The following ANGPT1 variants were observed in gnomAD, a reference collection of about 807,000 sequenced individuals.
The protein encoded by ANGPT1 is angiopoietin-1.
ANGPT1 carries 17 observed loss-of-function variants against 62.2 expected under a neutral mutation model. The observed-to-expected ratio is 0.27, with a 90% CI of 0.19 to 0.41. The LOEUF (loss-of-function observed/expected upper bound fraction) is 0.41. ANGPT1 is among the 10% of genes least tolerant of loss of function. ANGPT1 has a pLI of 1.00. For missense variants in ANGPT1, 478 were observed against 594.9 expected (o/e 0.80, Z 2.04); for synonymous variants, 199 against 198.9 (o/e 1.00, Z 0.00).
At chr8:107,339,185 C>T (rs1480697397) in intron 2 of ANGPT1, among the ~76,000 whole-genome samples, 1 of 152,124 alleles carries the variant, frequency 6.6e-6, no homozygotes, top group Non-Finnish European at 1.5e-5. Flanking sequence ...CCTACTTGCC[C>T]TACCTCAAGT....
At chr8:107,374,565 G>T (rs1220148254) in intron 1 of ANGPT1, among the ~76,000 whole-genome samples, 1 of 152,172 alleles carries the variant, frequency 6.6e-6, no homozygotes, top group African/African-American at 2.4e-5. Flanking sequence ...GTAGGACTGG[G>T]CGGTTTTCTA....
At chr8:107,358,038 AT>A in intron 1 of ANGPT1, among the ~76,000 whole-genome samples, 2 of 152,196 alleles carry the variant, frequency 1.3e-5, no homozygotes, top group South Asian at 2.1e-4. Context: ...TTTAAAATTA[AT>A]TTTCTTTCAT....
chr8:107,278,997 G>T (rs1421478082), intron 7 of ANGPT1, among the ~76,000 whole-genome samples: 1 of 152,168 alleles, frequency 6.6e-6, no homozygotes, highest in Non-Finnish European at 1.5e-5. Flanking sequence ...AACCATGCCA[G>T]TTTCCCAGGT....
chr8:107,312,496 T>C (rs900968299), intron 4 of ANGPT1, among the ~76,000 whole-genome samples: 1 of 152,236 alleles, frequency 6.6e-6, no homozygotes, highest in African/African-American at 2.4e-5. Context: ...CCAGATGTTT[T>C]TGAAAACTGA....
chr8:107,339,733 A>C (rs1244362170), intron 2 of ANGPT1, among the ~76,000 whole-genome samples: 1 of 152,190 alleles, frequency 6.6e-6, no homozygotes, highest in Non-Finnish European at 1.5e-5. Flanking sequence ...AGGACACTGC[A>C]GCGCTCATAG....
At chr8:107,383,775 C>T (rs1654730) in intron 1 of ANGPT1, among the ~76,000 whole-genome samples, 72,458 of 151,894 alleles carry the variant, frequency 0.48, 19,131 homozygotes, top group Non-Finnish European at 0.59. Flanking sequence ...AAAGGAGGGC[C>T]AGAATTCTCC....
intron 4 of ANGPT1, among the ~76,000 whole-genome samples, chr8:107,310,975 GTA>G (rs1814842491): frequency 4.1e-5 from 4 of 98,458 alleles, no homozygotes; most frequent in Admixed American, 3.7e-4. Flanking sequence ...GTATGAGTGT[GTA>G]TGTGAGTGTG....
intron 1 of ANGPT1, among the ~76,000 whole-genome samples, chr8:107,387,360 T>A (rs1816751320): frequency 2.6e-5 from 4 of 152,110 alleles, no homozygotes; most frequent in Admixed American, 2.6e-4. Flanking sequence ...TCTTCCTCTT[T>A]TGTGCCTATT....
intron 3 of ANGPT1, chr8:107,322,785 T>C (rs147074859): frequency 1.4e-4 from 36 of 264,130 alleles, no homozygotes; most frequent in Non-Finnish European, 2.5e-4. Context: ...CAAAATATGT[T>C]AGGTGAAAAA....
chr8:107,422,498 T>C (rs1156563422), intron 1 of ANGPT1, among the ~76,000 whole-genome samples: 1 of 152,222 alleles, frequency 6.6e-6, no homozygotes, highest in Non-Finnish European at 1.5e-5. Flanking sequence ...ATACTTACCA[T>C]GGCTAAATTC....
chr8:107,406,995 A>G (rs1426234739), intron 1 of ANGPT1, among the ~76,000 whole-genome samples: 1 of 151,712 alleles, frequency 6.6e-6, no homozygotes, highest in Non-Finnish European at 1.5e-5. Flanking sequence ...GAGAAAGACC[A>G]TCTTTGAAGT....
rs181247070 is a variant in ANGPT1 at position 107,293,743 on chromosome 8, T to C, written c.1038+193A>G. ...AATTTCAGTAATACGTTTTTCTTTC[T>C]GACGCACACGTGGAAATCATTTACT... On this transcript the variant is annotated intron_variant, in intron 6 of 8. Transcript: ENST00000517746. Among the ~76,000 whole-genome samples the C allele has an allele frequency of 6.5e-4, 99 of 152,322 alleles. 2 individuals are homozygous for C. Among genetic ancestry groups the C allele is most frequent in the Admixed American group, 5.6e-3 (85 of 15,280 alleles).
chr8:107,335,249 G>A (rs905215958), intron 3 of ANGPT1, among the ~76,000 whole-genome samples: 17 of 152,122 alleles, frequency 1.1e-4, no homozygotes, highest in African/African-American at 4.1e-4. Context: ...GTCCTCTTAG[G>A]TGCCTTCCTG....
intron 1 of ANGPT1, among the ~76,000 whole-genome samples, chr8:107,400,414 G>T (rs954913922): frequency 6.6e-6 from 1 of 152,164 alleles, no homozygotes; most frequent in African/African-American, 2.4e-5. Context: ...ATGGACACAT[G>T]AATGAAAGTT....
At chr8:107,480,458 G>T (rs1812648592) in intron 1 of ANGPT1, among the ~76,000 whole-genome samples, 1 of 152,086 alleles carries the variant, frequency 6.6e-6, no homozygotes, top group South Asian at 2.1e-4. Context: ...AAATTTTATG[G>T]GGACAATGCT....
intron 3 of ANGPT1, among the ~76,000 whole-genome samples, chr8:107,328,954 T>C (rs978561948): frequency 6.6e-6 from 1 of 151,980 alleles, no homozygotes; most frequent in Non-Finnish European, 1.5e-5. Context: ...TTATAGTGCA[T>C]CTATAAAAAT....
chr8:107,361,984 T>C (rs184037729), intron 1 of ANGPT1, among the ~76,000 whole-genome samples: 11 of 152,228 alleles, frequency 7.2e-5, no homozygotes, highest in African/African-American at 2.6e-4. Context: ...ACTTGAACTC[T>C]GGAGGCAGAT....
chr8:107,366,735 GT>G (rs1466707308), intron 1 of ANGPT1, among the ~76,000 whole-genome samples: 1 of 152,180 alleles, frequency 6.6e-6, no homozygotes, highest in Non-Finnish European at 1.5e-5. Context: ...CCTCATGGTA[GT>G]TATACCCTGG....
chr8:107,467,910 C>T (rs186689877), intron 1 of ANGPT1, among the ~76,000 whole-genome samples: 2 of 152,194 alleles, frequency 1.3e-5, no homozygotes, highest in Admixed American at 1.3e-4. Context: ...TGCCTAAAGC[C>T]TAGATGTTAG....
Sources: allele counts gnomAD v4.1 joint callset (sites outside exome capture counted in the v4.1 genomes callset), GRCh38; gene constraint gnomAD v4.1.1; transcripts MANE v1.5; gene names NCBI Gene and HGNC (gene_info 2026-07-23, HGNC 2026-07-21).